Variants in TBC1D19 observed in about 807,000 individuals in gnomAD.
The protein encoded by TBC1D19 is TBC1 domain family member 19.
A neutral mutation model predicts 89.0 loss-of-function variants in TBC1D19; 60 were observed. That is an observed-to-expected ratio of 0.67 (90% CI 0.55 to 0.84). The LOEUF is 0.84. TBC1D19 is among the 40% of genes least tolerant of loss of function. TBC1D19 has a pLI of 0.00. For missense variants in TBC1D19, 500 were observed against 610.8 expected (o/e 0.82, Z 1.91); for synonymous variants, 189 against 199.7 (o/e 0.95, Z 0.45).
intron 7 of TBC1D19, among the ~76,000 whole-genome samples, chr4:26,652,251 T>A (rs1744445084): frequency 6.6e-6 from 1 of 152,194 alleles, no homozygotes; most frequent in Non-Finnish European, 1.5e-5. Context: ...GAGGATTCCC[T>A]CTTTTTCTAA....
At chr4:26,846,839 T>C in the TBC1D19 span, among the ~76,000 whole-genome samples, 1 of 152,198 alleles carries the variant, frequency 6.6e-6, no homozygotes, top group African/African-American at 2.4e-5. Context: ...ACCACTCTTA[T>C]TGAGAGTATG....
chr4:26,588,057 G>T (rs1245484251), intron 1 of TBC1D19, among the ~76,000 whole-genome samples: 2 of 128,790 alleles, frequency 1.6e-5, no homozygotes, highest in South Asian at 4.6e-4. Flanking sequence ...GTGAAATCTC[G>T]CTTTGTCGCC....
intron 14 of TBC1D19, 82 bp downstream of exon 14, chr4:26,718,099 G>A (rs1716755378): frequency 4.8e-6 from 5 of 1,051,598 alleles, no homozygotes; most frequent in South Asian, 4.7e-5. Context: ...GGAGATAGTG[G>A]TGTTGCCAAA....
intron 13 of TBC1D19, among the ~76,000 whole-genome samples, chr4:26,694,518 C>T (rs755578694): frequency 2.6e-5 from 4 of 152,170 alleles, no homozygotes; most frequent in Non-Finnish European, 5.9e-5. Context: ...CAGACTTAAA[C>T]GTCCCTGTTC....
At chr4:26,741,084 T>C (rs928436459) in intron 17 of TBC1D19, among the ~76,000 whole-genome samples, 42 of 152,214 alleles carry the variant, frequency 2.8e-4, no homozygotes, top group African/African-American at 9.6e-4. Flanking sequence ...TGGCCGGGCG[T>C]GGTGGCTCAC....
At chr4:26,838,147 A>G in the TBC1D19 span, among the ~76,000 whole-genome samples, 1 of 152,076 alleles carries the variant, frequency 6.6e-6, no homozygotes, top group Non-Finnish European at 1.5e-5. Context: ...TCTGTTTGCC[A>G]CCAAGTCCTT....
At chr4:26,761,032 G>C (rs1719443165), downstream of TBC1D19, among the ~76,000 whole-genome samples, 1 of 152,032 alleles carries the variant, frequency 6.6e-6, no homozygotes, top group South Asian at 2.1e-4. Flanking sequence ...TGTATGGGCT[G>C]GTTTCTGGAC....
chr4:26,840,944 C>G, the TBC1D19 span, among the ~76,000 whole-genome samples: 1 of 152,162 alleles, frequency 6.6e-6, no homozygotes. Context: ...CTGCCACTCT[C>G]CTCCTCTAAC....
At chr4:26,635,574 G>C (rs554561586) in intron 4 of TBC1D19, among the ~76,000 whole-genome samples, 1 of 151,984 alleles carries the variant, frequency 6.6e-6, no homozygotes, top group Non-Finnish European at 1.5e-5. Flanking sequence ...CACATAGCTC[G>C]ATATTTATTC....
intron 13 of TBC1D19, among the ~76,000 whole-genome samples, chr4:26,691,983 A>G (rs1220356700): frequency 6.6e-6 from 1 of 152,168 alleles, no homozygotes; most frequent in Non-Finnish European, 1.5e-5. Context: ...GTCTCTGGTA[A>G]TTATCCTAAG....
At chr4:26,683,970 C>G (rs116695572) in intron 12 of TBC1D19, among the ~76,000 whole-genome samples, 91 of 152,170 alleles carry the variant, frequency 6.0e-4, no homozygotes, top group African/African-American at 2.1e-3. Context: ...TGATTCTTTC[C>G]TAGTCCTCCT....
chr4:26,719,621 G>T (rs969341399), intron 14 of TBC1D19, among the ~76,000 whole-genome samples: 3 of 152,076 alleles, frequency 2.0e-5, no homozygotes, highest in Non-Finnish European at 4.4e-5. Context: ...CTGAAATCAT[G>T]TGAACTGTTT....
At chr4:26,617,247 G>A (rs1577809781) in intron 3 of TBC1D19, among the ~76,000 whole-genome samples, 1 of 152,198 alleles carries the variant, frequency 6.6e-6, no homozygotes, top group Non-Finnish European at 1.5e-5. Context: ...TCCCACCCAC[G>A]TAGGTGAAGC....
chr4:26,761,246 G>A, the TBC1D19 span, among the ~76,000 whole-genome samples: 5 of 152,246 alleles, frequency 3.3e-5, no homozygotes, highest in South Asian at 4.2e-4. Context: ...AAAAGTCTGC[G>A]TTAATTTTTA....
the TBC1D19 span, among the ~76,000 whole-genome samples, chr4:26,844,328 C>A: frequency 6.6e-6 from 1 of 152,308 alleles, no homozygotes; most frequent in South Asian, 2.1e-4. Context: ...GAAAACCCAA[C>A]CTCCAACATA....
intron 13 of TBC1D19, among the ~76,000 whole-genome samples, chr4:26,704,455 A>G (rs760538154): frequency 6.6e-6 from 1 of 152,182 alleles, no homozygotes; most frequent in Non-Finnish European, 1.5e-5. Context: ...GCATATACTT[A>G]GTAGTAGTCC....
rs1176026960 is a variant in TBC1D19, at chr4:26,680,968, C to A, written c.817-2707C>A. Among the ~76,000 whole-genome samples, 3 of 152,066 alleles carry A rather than the reference C, an allele frequency of 2.0e-5. No individual in the cohort carries two copies. The South Asian group carries it at 6.2e-4, about 31-fold the overall frequency. On this transcript the variant is annotated intron_variant, in intron 11 of 20. Transcript: ENST00000264866. ...TCCCTAATGGCTTCAACTCTGTTTT[C>A]AATCCAAGAAAGATAATCTAATAGA... is the stretch of plus-strand genomic sequence containing the variant.
At chr4:26,830,160 A>T in the TBC1D19 span, among the ~76,000 whole-genome samples, 1 of 152,296 alleles carries the variant, frequency 6.6e-6, no homozygotes. Context: ...GAGGAAGATT[A>T]CATAACTGTT....
intron 13 of TBC1D19, among the ~76,000 whole-genome samples, chr4:26,715,714 T>C (rs1716551782): frequency 6.6e-6 from 1 of 152,038 alleles, no homozygotes; most frequent in Non-Finnish European, 1.5e-5. Context: ...GAAAAGGGTG[T>C]GACCTTGATA....
Sources: gnomAD v4.1 joint callset for allele counts (sites outside exome capture counted in the v4.1 genomes callset) on GRCh38, gnomAD v4.1.1 for gene constraint, MANE v1.5 for transcripts, NCBI Gene and HGNC (gene_info 2026-07-23, HGNC 2026-07-21) for gene names.